Variants in DNAJC7 observed in about 807,000 individuals in gnomAD.
DNAJC7 encodes DnaJ heat shock protein family (Hsp40) member C7.
A neutral mutation model predicts 67.4 loss-of-function variants in DNAJC7; 18 were observed. That is an observed-to-expected ratio of 0.27 (90% CI 0.18 to 0.40). The LOEUF (loss-of-function observed/expected upper bound fraction) is 0.40, where lower values mean the gene tolerates loss of function less well. Among genes scored for constraint, DNAJC7 ranks in the 10% least tolerant of loss-of-function variants. The probability of loss-of-function intolerance (pLI) is 1.00; values close to 1 mark genes in which losing one functional copy is unlikely to be tolerated. For synonymous variants in DNAJC7, 220 were observed against 207.8 expected, an observed-to-expected ratio of 1.06 and a Z score of -0.50; for missense variants, 419 against 613.8, an observed-to-expected ratio of 0.68 and a Z score of 3.35.
intron 1 of DNAJC7, among the ~76,000 whole-genome samples, chr17:42,009,713 T>A (rs954406535): frequency 1.3e-5 from 2 of 152,242 alleles, no homozygotes; most frequent in Non-Finnish European, 2.9e-5. Flanking sequence ...CTTTTCAGCA[T>A]TAGCCAGAGG....
At chr17:41,986,281 G>A (rs932783838) in intron 9 of DNAJC7, among the ~76,000 whole-genome samples, 2 of 151,892 alleles carry the variant, frequency 1.3e-5, no homozygotes, top group East Asian at 1.9e-4. Flanking sequence ...CAGGAAATTC[G>A]CTTGAACTCA....
chr17:41,997,751 G>A (rs1555648894), intron 2 of DNAJC7, among the ~76,000 whole-genome samples: 1 of 152,178 alleles, frequency 6.6e-6, no homozygotes, highest in Non-Finnish European at 1.5e-5. Flanking sequence ...TGCTATCTCG[G>A]CTCACTGTAA....
Position 41,982,367 on chromosome 17 carries a change from T to C in DNAJC7, c.1119A>G (p.Glu373=). 1 of 1,614,042 alleles carries C rather than the reference T, an allele frequency of 6.2e-7. No homozygotes were observed. The highest frequency in any genetic ancestry group is 8.5e-7 in the Non-Finnish European group (1 of 1,179,900). ...AATCTTTCCTCTTACTCTTCTTCAG[T>C]TCCAGCTGCGCATTTTTTAGGAGCT... ...HKQLLKNAQL[E]LKKSKRKDYY... The change falls in exon 11 of 14, where the codon GAA becomes GAG. Residue 373 remains glutamate (E), a synonymous_variant. Transcript: ENST00000457167.
chr17:42,005,596 G>A (rs1555650075), intron 1 of DNAJC7, among the ~76,000 whole-genome samples: 3 of 152,190 alleles, frequency 2.0e-5, no homozygotes, highest in South Asian at 2.1e-4. Flanking sequence ...ACAGGGATGA[G>A]ATTCTTCATC....
At chr17:41,990,942 C>A (rs531149758) in intron 5 of DNAJC7, among the ~76,000 whole-genome samples, 1 of 152,102 alleles carries the variant, frequency 6.6e-6, no homozygotes. Flanking sequence ...GGATTACAGG[C>A]GTGAGCCACC....
intron 1 of DNAJC7, among the ~76,000 whole-genome samples, chr17:42,004,681 C>G (rs2051898563): frequency 6.6e-6 from 1 of 152,168 alleles, no homozygotes; most frequent in African/African-American, 2.4e-5. Flanking sequence ...AGAAGACATC[C>G]CATTCATGGT....
At chr17:41,978,085 A>G (rs560788092) in intron 12 of DNAJC7, among the ~76,000 whole-genome samples, 2 of 152,352 alleles carry the variant, frequency 1.3e-5, no homozygotes, top group Middle Eastern at 6.8e-3. Flanking sequence ...TCAACAAAAC[A>G]TATGTAGGTG....
In DNAJC7 at chr17:41,997,154, A is replaced by C; in HGVS notation, c.252T>G (p.Asp84Glu). 1 of 1,613,986 alleles carries C rather than the reference A, an allele frequency of 6.2e-7. No homozygotes were observed. Among genetic ancestry groups the C allele is most frequent in the South Asian group, 1.1e-5 (1 of 91,086 alleles). Residue 84 changes from aspartate to glutamate, a missense_variant, in exon 3 of 14, where the codon GAT (aspartate) becomes GAG (glutamate). Around this residue, in one of 4 missense-constraint regions of DNAJC7, gnomAD observed 179 missense variants for 249.7 expected, o/e 0.72. Transcript: ENST00000457167. ...CATCCAACCTCACTGACTGTTGTGC[A>C]TCTCCAAGAGCTTCCCGGAACCTTC... ...MLGRFREALG[D>E]AQQSVRLDDS... is the part of the protein sequence containing the mutation.
Position 41,990,340 on chromosome 17 carries a change from A to G in DNAJC7, c.523T>C (p.Cys175Arg). ...MDRALEFAPA[C>R]HRFKILKAEC... is the part of the protein sequence containing the mutation. ...GCCTTGAGGATTTTGAAGCGATGGC[A>G]GGCAGGGGCAAATTCTAGGGCACGG... The change falls in exon 6 of 14, where the codon TGC (cysteine) becomes CGC (arginine). Residue 175 changes from cysteine (C) to arginine (R), a missense_variant. Coordinates refer to ENST00000457167, the MANE Select transcript of DNAJC7 (RefSeq NM_003315.4). 1 of 1,611,582 alleles carries G rather than the reference A, an allele frequency of 6.2e-7. No individual in the cohort carries two copies. The highest frequency in any genetic ancestry group is 8.5e-7 in the Non-Finnish European group (1 of 1,178,892).
intron 5 of DNAJC7, among the ~76,000 whole-genome samples, chr17:41,991,211 G>A (rs186923139): frequency 7.9e-5 from 12 of 152,054 alleles, no homozygotes; most frequent in Admixed American, 1.3e-4. Flanking sequence ...TCACATTCAC[G>A]CCGAGAATAA....
At chr17:42,003,198 C>T (rs782753307) in intron 1 of DNAJC7, among the ~76,000 whole-genome samples, 2 of 152,180 alleles carry the variant, frequency 1.3e-5, no homozygotes, top group Non-Finnish European at 2.9e-5. Flanking sequence ...TTCATAGAAA[C>T]GTGGCTGATT....
At chr17:41,998,410 T>A (rs556849256) in intron 2 of DNAJC7, among the ~76,000 whole-genome samples, 2 of 152,304 alleles carry the variant, frequency 1.3e-5, no homozygotes, top group East Asian at 3.9e-4. Context: ...AGGTGAAGGT[T>A]GCAATAAGCC....
At chr17:41,986,308 G>A (rs1253315998) in intron 9 of DNAJC7, among the ~76,000 whole-genome samples, 5 of 152,046 alleles carry the variant, frequency 3.3e-5, no homozygotes, top group African/African-American at 1.2e-4. Flanking sequence ...GGAGGTTGCA[G>A]TGAGCCAGTA....
intron 1 of DNAJC7, among the ~76,000 whole-genome samples, chr17:42,006,816 A>AAAAAAAAAAAC (rs2051975032): frequency 1.6e-5 from 2 of 122,600 alleles, no homozygotes; most frequent in African/African-American, 3.2e-5. Flanking sequence ...AAAAAAAAAA[A>AAAAAAAAAAAC]AAGTCCAGGC....
chr17:41,989,484 A>T lies in DNAJC7; in HGVS notation c.673T>A (p.Cys225Ser). The change falls in exon 7 of 14, where the codon TGT (cysteine) becomes AGT (serine). Residue 225 changes from cysteine to serine, a missense_variant. Coordinates refer to ENST00000457167, the MANE Select transcript of DNAJC7 (RefSeq NM_003315.4). The part of the protein sequence containing the change: ...VRGLCLYYED[C>S]IEKAVQFFVQ... ...AAAAACTGAACTGCCTTCTCAATACAATCTTCGTAATAAAGGCAAAGACCT... is the reference window on the plus strand; with the variant it reads ...AAAAACTGAACTGCCTTCTCAATACTATCTTCGTAATAAAGGCAAAGACCT... 1 of 1,614,002 alleles carries T rather than the reference A, an allele frequency of 6.2e-7. No homozygotes were observed. The highest frequency in any genetic ancestry group is 8.5e-7 in the Non-Finnish European group (1 of 1,179,882).
chr17:42,006,732 G>C (rs369596306), intron 1 of DNAJC7, among the ~76,000 whole-genome samples: 4 of 137,118 alleles, frequency 2.9e-5, no homozygotes, highest in African/African-American at 5.4e-5. Context: ...AGGAGACGGT[G>C]GTTGTGATGA....
chr17:42,013,482 A>T (rs1321562425), intron 1 of DNAJC7: 1 of 152,166 alleles, frequency 6.6e-6, no homozygotes, highest in African/African-American at 2.4e-5. Flanking sequence ...GGAAGGAAGG[A>T]CTCCTTACAA....
intron 1 of DNAJC7, among the ~76,000 whole-genome samples, chr17:42,006,818 A>AAAAAAAAAAAAAAAAAAAC (rs2051975582): frequency 7.2e-6 from 1 of 137,956 alleles, no homozygotes; most frequent in South Asian, 2.3e-4. Flanking sequence ...AAAAAAAAAA[A>AAAAAAAAAAAAAAAAAAAC]GTCCAGGCAC....
At chr17:42,006,614 T>C (rs1555650304) in intron 1 of DNAJC7, among the ~76,000 whole-genome samples, 2 of 146,980 alleles carry the variant, frequency 1.4e-5, no homozygotes. Flanking sequence ...CTCATCAATA[T>C]GGTGAAACCC....
Sources: allele counts gnomAD v4.1 joint callset (sites outside exome capture counted in the v4.1 genomes callset), GRCh38; gene constraint gnomAD v4.1.1; regional missense constraint gnomAD v4.1.1; transcripts MANE v1.5; gene names NCBI Gene and HGNC (gene_info 2026-07-23, HGNC 2026-07-21).